Variants in ARID4B observed in about 807,000 individuals in gnomAD.
ARID4B encodes AT-rich interactive domain-containing protein 4B.
In ARID4B, 26 loss-of-function variants were observed where a neutral mutation model predicts 147.5. The observed-to-expected ratio is 0.18, with a 90% CI of 0.13 to 0.24. The LOEUF (loss-of-function observed/expected upper bound fraction) is 0.24. Among genes scored for constraint, ARID4B ranks in the 10% least tolerant of loss-of-function variants. The pLI is 1.00. For missense variants in ARID4B, 1,179 were observed against 1,511.5 expected (o/e 0.78, Z 3.65); for synonymous variants, 512 against 507.9 (o/e 1.01, Z -0.11).
At chr1:235,301,539 T>C (rs1379595851) in intron 2 of ARID4B, among the ~76,000 whole-genome samples, 12 of 147,478 alleles carry the variant, frequency 8.1e-5, no homozygotes, top group Admixed American at 2.7e-4. Flanking sequence ...TATTTCTTTT[T>C]TTTTTTTTTT....
intron 1 of ARID4B, chr1:235,327,551 C>A (rs988459015): frequency 7.9e-5 from 12 of 152,200 alleles, no homozygotes; most frequent in African/African-American, 2.9e-4. Context: ...CCCGGGCCCC[C>A]GACCGCGGCC....
chr1:235,235,520 T>C (rs1668495657), intron 8 of ARID4B, among the ~76,000 whole-genome samples: 2 of 152,230 alleles, frequency 1.3e-5, no homozygotes, highest in Non-Finnish European at 2.9e-5. Flanking sequence ...GGGCTCACTG[T>C]CCAGTTCTGC....
intron 2 of ARID4B, among the ~76,000 whole-genome samples, chr1:235,321,383 CTTACTCTTACATCTTAACT>C (rs1002273123): frequency 1.3e-5 from 2 of 152,186 alleles, no homozygotes; most frequent in African/African-American, 4.8e-5. Flanking sequence ...ATCCTACCTA[CTTACTCTTACATCTTAACT>C]AGCAGGTCCA....
intron 3 of ARID4B, among the ~76,000 whole-genome samples, chr1:235,257,772 C>A (rs149850032): frequency 6.6e-6 from 1 of 152,118 alleles, no homozygotes; most frequent in Non-Finnish European, 1.5e-5. Context: ...TGAGTCACCA[C>A]GCCTGGTCCC....
At chr1:235,286,432 T>C (rs888090186) in intron 2 of ARID4B, among the ~76,000 whole-genome samples, 4 of 152,172 alleles carry the variant, frequency 2.6e-5, no homozygotes, top group Non-Finnish European at 5.9e-5. Flanking sequence ...TGGAGTGTAG[T>C]GGAGGAATCT....
chr1:235,278,729 G>A (rs1671492595), intron 2 of ARID4B, among the ~76,000 whole-genome samples: 1 of 152,168 alleles, frequency 6.6e-6, no homozygotes, highest in African/African-American at 2.4e-5. Flanking sequence ...AGTGGCAGCT[G>A]CACAACACAG....
intron 2 of ARID4B, among the ~76,000 whole-genome samples, chr1:235,297,559 AACCTTTGTGT>A (rs1672828103): frequency 6.6e-6 from 1 of 152,210 alleles, no homozygotes. Context: ...ATGCTGCGAA[AACCTTTGTGT>A]GAAAGTTGAT....
At chr1:235,294,962 G>A (rs1672590269) in intron 2 of ARID4B, among the ~76,000 whole-genome samples, 1 of 150,950 alleles carries the variant, frequency 6.6e-6, no homozygotes, top group East Asian at 1.9e-4. Context: ...AATACACAGA[G>A]AATTATTATT....
chr1:235,221,145 G>A (rs1030607924), intron 14 of ARID4B, among the ~76,000 whole-genome samples: 5 of 152,158 alleles, frequency 3.3e-5, no homozygotes, highest in South Asian at 2.1e-4. Flanking sequence ...TGATCTGCCC[G>A]CCTCGGCCTC....
At chr1:235,287,282 T>TC (rs397719851) in intron 2 of ARID4B, among the ~76,000 whole-genome samples, 7 of 151,760 alleles carry the variant, frequency 4.6e-5, no homozygotes, top group Non-Finnish European at 1.0e-4. Flanking sequence ...TTTTTTTTTT[T>TC]ACCTTTTTTC....
rs1668597409 is a variant in ARID4B at position 235,236,833 on chromosome 1, A to ATATATATAT, written c.586-2342_586-2341insATATATATA. 4.5e-4 allele frequency among the ~76,000 whole-genome samples: 15 copies of ATATATATAT among 33,520 alleles called. 2 individuals carry two copies. Among genetic ancestry groups the ATATATATAT allele is most frequent in the South Asian group, 1.6e-3 (1 of 636 alleles). The allele number at this position is 33,520 out of a possible 152,430, so 22.0% of individuals were successfully genotyped here. A position where few individuals can be genotyped will look rare whatever the true frequency, so the allele number is the denominator to read the frequency against. On this transcript the variant is annotated intron_variant, in intron 8 of 23. Coordinates refer to ENST00000264183, the MANE Select transcript of ARID4B (RefSeq NM_016374.6). ...TGGCCCACAAAACGGTTTTATAAAA[A>ATATATATAT]ATATATATATATATATATATATATA... is the stretch of plus-strand genomic sequence containing the variant.
In ARID4B at chr1:235,209,138, C is replaced by T. The variant is rs544289547; in HGVS notation, c.1841+4631G>A. On this transcript the variant is annotated intron_variant, in intron 17 of 23. Coordinates refer to ENST00000264183, the MANE Select transcript of ARID4B (RefSeq NM_016374.6). The stretch of plus-strand genomic sequence containing the variant: ...TTAACCTTTGTATAACAAAAATCAA[C>T]ATTTTCAGCTGTGAAATAGGGACAT... Among the ~76,000 whole-genome samples, 3 of 152,238 alleles carry T rather than the reference C, an allele frequency of 2.0e-5. No homozygotes were observed. In the South Asian group the frequency reaches 6.2e-4, roughly 32 times the overall value.
intron 10 of ARID4B, among the ~76,000 whole-genome samples, chr1:235,230,086 T>A (rs1267017256): frequency 1.3e-5 from 2 of 152,230 alleles, no homozygotes; most frequent in Non-Finnish European, 2.9e-5. Context: ...TGGTTAAGGA[T>A]GTACATTCAT....
At chr1:235,234,542 G>A (rs1668442938) in intron 8 of ARID4B, 50 bp from the exon 9 acceptor site, 1 of 1,243,976 alleles carries the variant, frequency 8.0e-7, no homozygotes. Flanking sequence ...CTCATAGATA[G>A]GTAAGTACCC....
chr1:235,290,894 AAGAAC>A (rs1672291793), intron 2 of ARID4B, among the ~76,000 whole-genome samples: 4 of 152,236 alleles, frequency 2.6e-5, no homozygotes, highest in Admixed American at 2.0e-4. Context: ...GGAGGTGTTC[AAGAAC>A]AGCCTAGGCA....
At chr1:235,304,685 A>G (rs1673420979) in intron 2 of ARID4B, among the ~76,000 whole-genome samples, 1 of 152,198 alleles carries the variant, frequency 6.6e-6, no homozygotes, top group South Asian at 2.1e-4. Context: ...TGCCTTTAGA[A>G]GAGTCAGGCA....
intron 10 of ARID4B, among the ~76,000 whole-genome samples, chr1:235,230,606 A>AC (rs1438256669): frequency 2.3e-5 from 3 of 131,302 alleles, no homozygotes; most frequent in African/African-American, 8.5e-5. Flanking sequence ...AAAAAAAAAA[A>AC]AAAAAAAAAA....
At chr1:235,265,024 C>A (rs1670514104) in intron 2 of ARID4B, among the ~76,000 whole-genome samples, 1 of 148,494 alleles carries the variant, frequency 6.7e-6, no homozygotes, top group East Asian at 2.0e-4. Flanking sequence ...CATGCCGTTG[C>A]ACTCCAGCCT....
intron 2 of ARID4B, among the ~76,000 whole-genome samples, chr1:235,295,096 A>C (rs1306728827): frequency 3.9e-5 from 6 of 152,082 alleles, no homozygotes; most frequent in Non-Finnish European, 8.8e-5. Flanking sequence ...CTAAGGATGT[A>C]AATAGACAGA....
Sources: allele counts gnomAD v4.1 joint callset (sites outside exome capture counted in the v4.1 genomes callset), GRCh38; gene constraint gnomAD v4.1.1; transcripts MANE v1.5; gene names NCBI Gene and HGNC (gene_info 2026-07-23, HGNC 2026-07-21).